Variants in SCRIB observed in about 807,000 individuals in gnomAD.
SCRIB encodes the protein scribble planar cell polarity protein, also known as protein scribble homolog.
A neutral mutation model predicts 170.0 loss-of-function variants in SCRIB; 72 were observed. The observed-to-expected ratio is 0.42, with a 90% confidence interval of 0.35 to 0.52. The LOEUF is 0.52. SCRIB is among the 20% of genes least tolerant of loss of function. The probability of loss-of-function intolerance (pLI) is 0.02; values close to 1 mark genes in which losing one functional copy is unlikely to be tolerated. For missense variants in SCRIB, 2,475 were observed against 2,338.5 expected (o/e 1.06, Z -1.20); for synonymous variants, 1,298 against 1,044.3 (o/e 1.24, Z -4.68).
Position 143,808,941 on chromosome 8 carries a change from G to C in SCRIB, c.1783C>G (p.Leu595Val). Residue 595 changes from leucine (L) to valine (V), a missense_variant, in exon 15 of 37, where the codon CTG becomes GTG. Coordinates refer to ENST00000356994, the MANE Select transcript of SCRIB (RefSeq NM_182706.5). ...EEGQPEAPWT[L>V]PGGRQRLIRK... ...ATGAGCCGCTGCCTCCCGCCTGGCA[G>C]GGTCCAGGGGGCCTCAGGCTGCCCC... 6.2e-7 allele frequency: 1 copy of C among 1,612,666 alleles called. No individual in the cohort carries two copies. The highest frequency in any genetic ancestry group is 8.5e-7 in the Non-Finnish European group (1 of 1,180,004).
At position 143,809,557 on chromosome 8, in the gene SCRIB, G is replaced by A. The variant is rs771432032; in HGVS notation, c.1692C>T (p.Tyr564=). 22 of 1,610,544 alleles carry A rather than the reference G, an allele frequency of 1.4e-5. No individual in the cohort carries two copies. Among genetic ancestry groups the A allele is most frequent in the South Asian group, 1.1e-5 (1 of 91,034 alleles). Residue 564 remains tyrosine, a synonymous_variant, in exon 14 of 37, where the codon TAC becomes TAT. Transcript: ENST00000356994. ...AGGEEDAEED[Y]QEPTVHFAED... ...CCTTCCTGCCAATCCACACCTCCTG[G>A]TAGTCCTCTTCGGCGTCTTCCTCCC... is the stretch of plus-strand genomic sequence containing the variant.
At chr8:143,801,891 T>C (rs1815187906) in intron 24 of SCRIB, among the ~76,000 whole-genome samples, 1 of 152,070 alleles carries the variant, frequency 6.6e-6, no homozygotes, top group African/African-American at 2.4e-5. Flanking sequence ...TATACCGACA[T>C]GTCACGGCAG....
At chr8:143,805,062 C>G (rs529066178) in intron 19 of SCRIB, 48 bp from the exon 20 acceptor site, 1 of 1,581,638 alleles carries the variant, frequency 6.3e-7, no homozygotes, top group Non-Finnish European at 8.6e-7. Flanking sequence ...GGCTGGAGTG[C>G]GGCTGTCAGC....
rs782526016 is a variant in SCRIB at position 143,805,229 on chromosome 8, A to G, written c.2553T>C (p.Pro851=). The stretch of plus-strand genomic sequence containing the variant: ...GCTGACGGAGGGGCCCGGGGCTCTC[A>G]GGCGGGAGCAGGGGCAGGCGCAGCC... The part of the protein sequence containing the change: ...GGGLRLPLLP[P]ESPGPLRQRH... Residue 851 remains proline, a synonymous_variant, in exon 19 of 37, where the codon CCT becomes CCC. Coordinates refer to ENST00000356994, the MANE Select transcript of SCRIB (RefSeq NM_182706.5). The G allele has an allele frequency of 1.1e-5, 17 of 1,541,826 alleles. No homozygotes were observed. The African/African-American group carries it at 1.7e-4, about 15-fold the overall frequency.
At chr8:143,815,053 G>T in intron 1 of SCRIB, 161 bp downstream of exon 1, 2 of 804,208 alleles carry the variant, frequency 2.5e-6, no homozygotes, top group Non-Finnish European at 3.6e-6. Flanking sequence ...AGCCAGGGCG[G>T]CTGGAAGAGA....
At chr8:143,791,779 A>T in intron 34 of SCRIB, 39 bp from the exon 35 acceptor site, 1 of 1,132,144 alleles carries the variant, frequency 8.8e-7, no homozygotes, top group Non-Finnish European at 1.2e-6. Flanking sequence ...AGAGAGTGAG[A>T]GGAAAGGGGG....
chr8:143,804,734 C>A lies in SCRIB; in HGVS notation c.2843G>T (p.Arg948Leu). 1 of 1,597,026 alleles carries A rather than the reference C, an allele frequency of 6.3e-7. No individual in the cohort carries two copies. The highest frequency in any genetic ancestry group is 8.5e-7 in the Non-Finnish European group (1 of 1,172,176). Residue 948 changes from arginine to leucine, a missense_variant, in exon 21 of 37, where the codon CGG becomes CTG. By Grantham distance (102) the Arg-to-Leu change is moderately radical. This residue lies in a region of SCRIB where 1,966 missense variants were observed against 1,742.9 expected (regional missense o/e 1.13). Coordinates refer to ENST00000356994, the MANE Select transcript of SCRIB (RefSeq NM_182706.5). ...GGGAGGAAGAGGGCCCCCAGCCTCC[C>A]GCTCCAACAGCAGGGCGATGGTGGG... is the stretch of plus-strand genomic sequence containing the variant. ...ASPTIALLLE[R>L]EAGGPLPPSP...
chr8:143,806,500 G>A lies in SCRIB; in HGVS notation c.2269-16C>T, dbSNP rs782812733. On this transcript the variant is annotated splice_polypyrimidine_tract_variant and intron_variant, in intron 17 of 36. Transcript: ENST00000356994. ...TGAATATGCCCTAGGGCACAGACAC[G>A]AGCTTGGCAGGGGCCAGGGAGACGG... 27 of 1,577,286 alleles carry A rather than the reference G, an allele frequency of 1.7e-5. No individual in the cohort carries two copies. The highest frequency in any genetic ancestry group is 1.0e-4 in the South Asian group (9 of 86,642).
At position 143,806,439 on chromosome 8, in the gene SCRIB, C is replaced by T; in HGVS notation, c.2314G>A (p.Ala772Thr). 6.2e-7 allele frequency: 1 copy of T among 1,606,394 alleles called. No homozygotes were observed. The highest frequency in any genetic ancestry group is 8.5e-7 in the Non-Finnish European group (1 of 1,176,396). ...AGCTTGTCACCCACACGGACTCCAGCCCGGGCCGCAGGGCCTTCCTCGGAC... is the reference window on the plus strand; with the variant it reads ...AGCTTGTCACCCACACGGACTCCAGTCCGGGCCGCAGGGCCTTCCTCGGAC... Reference protein sequence around the residue: ...RVSEEGPAARAGVRVGDKLLE... With the variant: ...RVSEEGPAARTGVRVGDKLLE... The change falls in exon 18 of 37, where the codon GCT becomes ACT. Residue 772 changes from alanine to threonine, a missense_variant. Coordinates refer to ENST00000356994, the MANE Select transcript of SCRIB (RefSeq NM_182706.5).
chr8:143,810,909 G>T lies in SCRIB; in HGVS notation c.1270C>A (p.Leu424Ile). ...YLLPQQPPPSLEDAGQQGSLS... is the reference protein window; with the variant it reads ...YLLPQQPPPSIEDAGQQGSLS... ...GCACCGGTTGCCAACAACCTACCGAGGCTGGGTGGGGGCTGCTGGGGCAGC... is the reference window on the plus strand; with the variant it reads ...GCACCGGTTGCCAACAACCTACCGATGCTGGGTGGGGGCTGCTGGGGCAGC... The change falls in exon 11 of 37, where the codon CTC becomes ATC. Residue 424 changes from leucine (L) to isoleucine (I), a missense_variant. Transcript: ENST00000356994. The T allele has an allele frequency of 6.2e-7, 1 of 1,611,546 alleles. No homozygotes were observed.
chr8:143,793,019 G>T lies in SCRIB; in HGVS notation c.3974C>A (p.Ala1325Glu). ...AGGCGGGTGAGAAGTGGGCACGGCCGCGAAGGCCCTGTAGGCCTGCTTCAC... is the reference window on the plus strand; with the variant it reads ...AGGCGGGTGAGAAGTGGGCACGGCCTCGAAGGCCCTGTAGGCCTGCTTCAC... ...ANVKQAYRAF[A>E]AVPTSHPPED... is the part of the protein sequence containing the mutation. Residue 1325 changes from alanine to glutamate, a missense_variant, in exon 29 of 37, where the codon GCG becomes GAG. Coordinates refer to ENST00000356994, the MANE Select transcript of SCRIB (RefSeq NM_182706.5). 6.6e-7 allele frequency: 1 copy of T among 1,515,122 alleles called. No homozygotes were observed. The highest frequency in any genetic ancestry group is 1.3e-5 in the South Asian group (1 of 79,024). The allele number at this position is 1,515,122 out of a possible 1,614,324, so 93.9% of individuals were successfully genotyped here.
At chr8:143,805,533 G>T in intron 18 of SCRIB, 98 bp from the exon 19 acceptor site, 1 of 1,247,908 alleles carries the variant, frequency 8.0e-7, no homozygotes, top group Non-Finnish European at 1.1e-6. Flanking sequence ...TGGGGAGACT[G>T]AGGCACAGGG....
rs775642894 is a variant in SCRIB at position 143,813,654 on chromosome 8, C to T, written c.429G>A (p.Leu143=). The part of the protein sequence containing the change: ...LALNDVSLQA[L]PGDVGNLANL... ...GCACTCACTTGCCCACGTCCCCGGG[C>T]AGTGCCTGCAGAGACACATCATTCA... is the stretch of plus-strand genomic sequence containing the variant. Residue 143 remains leucine (L), a synonymous_variant, in exon 4 of 37, where the codon CTG becomes CTA. Coordinates refer to ENST00000356994, the MANE Select transcript of SCRIB (RefSeq NM_182706.5). 7 of 1,613,476 alleles carry T rather than the reference C, an allele frequency of 4.3e-6. No homozygotes were observed. The South Asian group carries it at 7.7e-5, about 18-fold the overall frequency.
chr8:143,793,699 C>T (rs923609012), intron 28 of SCRIB: 39 of 539,634 alleles, frequency 7.2e-5, no homozygotes, highest in African/African-American at 4.6e-4. Flanking sequence ...CCCACCCCAT[C>T]GCCAGGCAGC....
At position 143,793,418 on chromosome 8, in the gene SCRIB, G is replaced by C. The variant is rs4875054; in HGVS notation, c.3910-335C>G. ...TTAAGGCAAGGGACGGGGGTAGAGA[G>C]GGGGGTGGGAGAGACAGAGAGAGAG... On this transcript the variant is annotated intron_variant, in intron 28 of 36. Transcript: ENST00000356994. The C allele has an allele frequency of 6.5e-5, 17 of 259,924 alleles. No individual in the cohort carries two copies. In the East Asian group the frequency reaches 6.7e-4, roughly 10 times the overall value. The allele number at this position is 259,924 out of a possible 1,614,324, so 16.1% of individuals were successfully genotyped here.
Position 143,804,094 on chromosome 8 carries a change from A to G in SCRIB, c.3072T>C (p.His1024=), listed in dbSNP as rs782231275. The G allele has an allele frequency of 3.2e-5, 52 of 1,612,734 alleles. 1 individual carries two copies. The South Asian group carries it at 5.4e-4, about 17-fold the overall frequency. ...LGLSIVGGSD[H]SSHPFGVQEP... is the part of the protein sequence containing the mutation. Reference sequence around the variant, plus strand: ...CCTGGACACCAAACGGGTGGCTGGAATGGTCGGAGCCTCCGACAATACTAA... The same window carrying G: ...CCTGGACACCAAACGGGTGGCTGGAGTGGTCGGAGCCTCCGACAATACTAA... Residue 1024 remains histidine, a synonymous_variant, in exon 22 of 37, where the codon CAT becomes CAC. Transcript: ENST00000356994.
At chr8:143,815,175 G>C (rs1441883214) in intron 1 of SCRIB, 39 bp downstream of exon 1, 1 of 1,522,510 alleles carries the variant, frequency 6.6e-7, no homozygotes, top group African/African-American at 1.4e-5. Flanking sequence ...CACGGGCTGG[G>C]GGCGCGCCTT....
Position 143,791,435 on chromosome 8 carries a change from C to A in SCRIB, c.4776G>T (p.Pro1592=), listed in dbSNP as rs561238876. Residue 1592 remains proline (P), a synonymous_variant, in exon 36 of 37, where the codon CCG becomes CCT. Transcript: ENST00000356994. The part of the protein sequence containing the change: ...SSRPVYDIQS[P]DFAEELRSLE... Reference sequence around the variant, plus strand: ...GGGACCTCAACTCCTCAGCAAAGTCCGGTGACTGTGATGGGGAGAGTGTTG... The same window carrying A: ...GGGACCTCAACTCCTCAGCAAAGTCAGGTGACTGTGATGGGGAGAGTGTTG... 1 of 1,610,836 alleles carries A rather than the reference C, an allele frequency of 6.2e-7. No homozygotes were observed. The highest frequency in any genetic ancestry group is 8.5e-7 in the Non-Finnish European group (1 of 1,179,168).
rs368349172 is a variant in SCRIB at position 143,812,368 on chromosome 8, T to C, written c.804A>G (p.Leu268=). The change falls in exon 9 of 37, where the codon CTA becomes CTG. Residue 268 remains leucine, a synonymous_variant. Transcript: ENST00000356994. The stretch of plus-strand genomic sequence containing the variant: ...GATTCTGGTCTACCTTTAGGATGGA[T>C]AGCTGCTTCAGCTGACCTGGCGTCG... ...LPDGIGQLKQ[L]SILKVDQNRL... is the part of the protein sequence containing the mutation. 2.4e-5 allele frequency: 38 copies of C among 1,612,644 alleles called. No homozygotes were observed. The highest frequency in any genetic ancestry group is 2.1e-4 in the South Asian group (19 of 91,054).
Sources: allele counts gnomAD v4.1 joint callset (sites outside exome capture counted in the v4.1 genomes callset), GRCh38; gene constraint gnomAD v4.1.1; regional missense constraint gnomAD v4.1.1; transcripts MANE v1.5; gene names NCBI Gene and HGNC (gene_info 2026-07-23, HGNC 2026-07-21).